The following SMARCD3 variants were observed in gnomAD, a reference collection of about 807,000 sequenced individuals.
SMARCD3 encodes SWI/SNF-related matrix-associated actin-dependent regulator of chromatin subfamily D member 3.
A neutral mutation model predicts 58.0 loss-of-function variants in SMARCD3; 14 were observed. The observed-to-expected ratio is 0.24, with a 90% CI of 0.16 to 0.38. The LOEUF is 0.38. Among genes scored for constraint, SMARCD3 ranks in the 10% least tolerant of loss-of-function variants. SMARCD3 has a pLI of 1.00. For synonymous variants in SMARCD3, 253 were observed against 253.8 expected, an observed-to-expected ratio of 1.00 and a Z score of 0.03; for missense variants, 408 against 636.9, an observed-to-expected ratio of 0.64 and a Z score of 3.87.
At chr7:151,265,399 G>T (rs923488220) in intron 2 of SMARCD3, among the ~76,000 whole-genome samples, 1 of 152,162 alleles carries the variant, frequency 6.6e-6, no homozygotes, top group Non-Finnish European at 1.5e-5. Flanking sequence ...AACCAACCCC[G>T]CTGACACCTT....
chr7:151,272,412 T>C (rs1032025788), intron 2 of SMARCD3, among the ~76,000 whole-genome samples: 2 of 152,156 alleles, frequency 1.3e-5, no homozygotes, highest in Non-Finnish European at 2.9e-5. Context: ...GAAACCCTTT[T>C]CAGGATGAGG....
In SMARCD3 at chr7:151,241,410, G is replaced by A. The variant is rs749098920; in HGVS notation, c.939+82C>T. 33 of 1,172,112 alleles carry A rather than the reference G, an allele frequency of 2.8e-5. No homozygotes were observed. Among genetic ancestry groups the A allele is most frequent in the Non-Finnish European group, 4.0e-5 (32 of 798,000 alleles). 72.6% of individuals were successfully genotyped at this position (1,172,112 alleles called of 1,614,324 possible). A position where few individuals can be genotyped will look rare whatever the true frequency, so the allele number is the denominator to read the frequency against. On this transcript the variant is annotated intron_variant, in intron 8 of 12. Coordinates refer to ENST00000262188, the MANE Select transcript of SMARCD3 (RefSeq NM_001003801.2). This position sits in a 1 kb window ranked among gnomAD's most constrained non-coding sequence, Gnocchi z 5.3. ...ACTCAGGAATCTAGAAGGGAGGGGT[G>A]GTAGTTACCTTGGTAGAGGTACTTC...
At chr7:151,264,592 G>C (rs1231743151) in intron 2 of SMARCD3, among the ~76,000 whole-genome samples, 2 of 152,198 alleles carry the variant, frequency 1.3e-5, no homozygotes, top group Non-Finnish European at 2.9e-5. Context: ...GGAGGACGGA[G>C]GCAATCACCC....
At chr7:151,267,174 A>G (rs1329098240) in intron 2 of SMARCD3, among the ~76,000 whole-genome samples, 2 of 152,210 alleles carry the variant, frequency 1.3e-5, no homozygotes, top group East Asian at 1.9e-4. Flanking sequence ...CACTTTGTCA[A>G]ACACCTCCAA....
At chr7:151,257,332 A>C (rs908119238) in intron 2 of SMARCD3, among the ~76,000 whole-genome samples, 2 of 152,204 alleles carry the variant, frequency 1.3e-5, no homozygotes, top group African/African-American at 4.8e-5. Context: ...CCGCTGCTCC[A>C]CTGAAATGCT....
Position 151,240,193 on chromosome 7 carries a change from C to T in SMARCD3, c.1092G>A (p.Val364=). 1 of 1,614,142 alleles carries T rather than the reference C, an allele frequency of 6.2e-7. No individual in the cohort carries two copies. Among genetic ancestry groups the T allele is most frequent in the Middle Eastern group, 1.6e-4 (1 of 6,062 alleles). Residue 364 remains valine, a synonymous_variant, in exon 10 of 13, where the codon GTG becomes GTA. Transcript: ENST00000262188. ...KTACYDIDVE[V]EEPLKGQMSS... is the part of the protein sequence containing the mutation. ...TCATCTGCCCCTTTAATGGCTCCTC[C>T]ACCTCCACGTCAATGTCATAGCACG... is the stretch of plus-strand genomic sequence containing the variant.
chr7:151,272,919 C>T (rs1169893383), intron 2 of SMARCD3, among the ~76,000 whole-genome samples: 1 of 152,166 alleles, frequency 6.6e-6, no homozygotes, highest in African/African-American at 2.4e-5. Context: ...CCACTCATCC[C>T]CGATGGGTGG....
At chr7:151,248,740 GCCGCCGCCGCCCGC>G (rs1278957508), upstream of SMARCD3, 41 of 1,151,236 alleles carry the variant, frequency 3.6e-5, 2 homozygotes, top group South Asian at 3.0e-4. The surrounding 1 kb of genome is among the most constrained non-coding windows in gnomAD (Gnocchi z 6.1). Context: ...CACGGCCCAC[GCCGCCGCCGCCCGC>G]CCGCCGCCGC....
rs1210925632 is a variant in SMARCD3, at chr7:151,240,455, G to A, written c.1007C>T (p.Pro336Leu). The change falls in exon 9 of 13, where the codon CCT becomes CTT. Residue 336 changes from proline to leucine, a missense_variant. Transcript: ENST00000262188. ...GACATGGTTGATGACAATTGGGTCA[G>A]GGGGCAATAGCAGGGCTGTGAGGCG... ...PQRLTALLLP[P>L]DPIVINHVIS... 6.2e-7 allele frequency: 1 copy of A among 1,613,784 alleles called. No individual in the cohort carries two copies. The highest frequency in any genetic ancestry group is 8.5e-7 in the Non-Finnish European group (1 of 1,179,830).
chr7:151,251,914 G>T (rs973027926), upstream of SMARCD3, among the ~76,000 whole-genome samples: 1,571 of 146,878 alleles, frequency 0.011, 36 homozygotes, highest in African/African-American at 0.036. Context: ...AGCTGGGGGG[G>T]CTCGGGCCGG....
At chr7:151,276,142 G>T (rs1024819070) in intron 1 of SMARCD3, among the ~76,000 whole-genome samples, 1 of 150,256 alleles carries the variant, frequency 6.7e-6, no homozygotes, top group African/African-American at 2.5e-5. Flanking sequence ...CCAGTCCAGG[G>T]TCGGGGGGGA....
chr7:151,259,411 A>ATG lies in SMARCD3; in HGVS notation c.40-13742_40-13741dup, dbSNP rs1491451971. ...GTAGGGGCTGTGTGTGTGTGTGTGTATGTGTGTGTGTGTGTGTTTCTAAAG... is the reference window on the plus strand; with the variant it reads ...GTAGGGGCTGTGTGTGTGTGTGTGTATGTGTGTGTGTGTGTGTGTTTCTAAAG... On this transcript the variant is annotated intron_variant, in intron 2 of 13. Transcript: ENST00000356800. Among the ~76,000 whole-genome samples, 26 of 138,314 alleles carry ATG rather than the reference A, an allele frequency of 1.9e-4. No homozygotes were observed. In the East Asian group the frequency reaches 2.4e-3, roughly 13 times the overall value. The allele number at this position is 138,314 out of a possible 152,430, so 90.7% of individuals were successfully genotyped here.
chr7:151,252,673 G>T (rs1461664540), upstream of SMARCD3, among the ~76,000 whole-genome samples: 1 of 152,150 alleles, frequency 6.6e-6, no homozygotes, highest in Non-Finnish European at 1.5e-5. Context: ...TCCAGAGAGG[G>T]AGGAGGGGAG....
chr7:151,243,538 G>A lies in SMARCD3; in HGVS notation c.333+121C>T, dbSNP rs1287973767. 1.4e-6 allele frequency: 1 copy of A among 703,938 alleles called. No homozygotes were observed. The highest frequency in any genetic ancestry group is 2.6e-6 in the Non-Finnish European group (1 of 389,422). The allele number at this position is 703,938 out of a possible 1,614,324, so 43.6% of individuals were successfully genotyped here. A position where few individuals can be genotyped will look rare whatever the true frequency, so the allele number is the denominator to read the frequency against. ...CCTGCGGAGCCTCACTTATTAATGA[G>A]CTTTTTTAAACAAAAAGTGAAAGTG... On this transcript the variant is annotated intron_variant, in intron 3 of 12. Transcript: ENST00000262188. The surrounding 1 kb of genome is among the most constrained non-coding windows in gnomAD (Gnocchi z 4.4).
rs751960257 is a variant in SMARCD3, at chr7:151,242,488, A to T, written c.572T>A (p.Leu191Gln). ...SWELRVEGKL[L>Q]DDPSKQKRKF... Reference sequence around the variant, plus strand: ...ACCTGGGCCGGGACGTACATCATCCAGGAGCTTCCCCTCCACCCGTAGCTC... The same window carrying T: ...ACCTGGGCCGGGACGTACATCATCCTGGAGCTTCCCCTCCACCCGTAGCTC... The change falls in exon 5 of 13, where the codon CTG (leucine) becomes CAG (glutamine). Residue 191 changes from leucine to glutamine, a missense_variant. Leu to Gln is a moderately radical substitution (Grantham distance 113). Around this residue, in one of 4 missense-constraint regions of SMARCD3, gnomAD observed 128 missense variants for 188.8 expected, o/e 0.68. Transcript: ENST00000262188. This position sits in a 1 kb window ranked among gnomAD's most constrained non-coding sequence, Gnocchi z 4.7. The T allele has an allele frequency of 6.2e-7, 1 of 1,613,438 alleles. No individual in the cohort carries two copies. Among genetic ancestry groups the T allele is most frequent in the South Asian group, 1.1e-5 (1 of 91,086 alleles).
rs775882388 is a variant in SMARCD3, at chr7:151,243,652, C to T, written c.333+7G>A. On this transcript the variant is annotated splice_region_variant and intron_variant, in intron 3 of 12. Coordinates refer to ENST00000262188, the MANE Select transcript of SMARCD3 (RefSeq NM_001003801.2). The surrounding 1 kb of genome is among the most constrained non-coding windows in gnomAD (Gnocchi z 4.4). ...GTGGGCTGGGGGCTGCTGTGAAAGG[C>T]ACTCACCCTTTGAGGGAGGATTTTG... The T allele has an allele frequency of 1.3e-6, 2 of 1,588,066 alleles. No homozygotes were observed. The highest frequency in any genetic ancestry group is 2.2e-5 in the South Asian group (2 of 90,586).
chr7:151,257,623 C>CA lies in SMARCD3; in HGVS notation c.40-11953dup, dbSNP rs555925375. Among the ~76,000 whole-genome samples the CA allele has an allele frequency of 7.3e-3, 1,117 of 152,320 alleles. 20 individuals are homozygous for CA. Among genetic ancestry groups the CA allele is most frequent in the African/African-American group, 0.026 (1,066 of 41,578 alleles). On this transcript the variant is annotated intron_variant, in intron 2 of 13. Coordinates refer to the SMARCD3 transcript ENST00000356800. The stretch of plus-strand genomic sequence containing the variant: ...TACAGGTGTGAGCCACTGCACCCGG[C>CA]AAAGTCATAACACTCTGTCCTCTTT...
intron 2 of SMARCD3, among the ~76,000 whole-genome samples, chr7:151,266,929 T>A (rs11972504): frequency 0.022 from 3,294 of 152,232 alleles, 121 homozygotes; most frequent in African/African-American, 0.075. Flanking sequence ...CCCAGGCTGG[T>A]CTTGAACTTT....
chr7:151,240,389 T>G, intron 9 of SMARCD3, 36 bp downstream of exon 9: 1 of 1,591,632 alleles, frequency 6.3e-7, no homozygotes, highest in South Asian at 1.1e-5. Flanking sequence ...AACGAGATCA[T>G]TCCCTGGTCT....
Sources: allele counts gnomAD v4.1 joint callset (sites outside exome capture counted in the v4.1 genomes callset), GRCh38; gene constraint gnomAD v4.1.1; regional missense constraint gnomAD v4.1.1; non-coding constraint Gnocchi (gnomAD v3.1); transcripts MANE v1.5; gene names NCBI Gene and HGNC (gene_info 2026-07-23, HGNC 2026-07-21).